The following SAMD4B variants were observed in gnomAD, a reference collection of about 807,000 sequenced individuals.
SAMD4B encodes protein Smaug homolog 2.
A neutral mutation model predicts 74.5 loss-of-function variants in SAMD4B; 5 were observed. That is an observed-to-expected ratio of 0.07 (90% CI 0.04 to 0.14). The LOEUF (loss-of-function observed/expected upper bound fraction) is 0.14. Ranked by LOEUF, SAMD4B falls within the 10% of genes least tolerant of loss-of-function variation. SAMD4B has a pLI of 1.00. For missense variants in SAMD4B, 608 were observed against 921.8 expected, an observed-to-expected ratio of 0.66 and a Z score of 4.41; for synonymous variants, 373 against 374.9, an observed-to-expected ratio of 1.00 and a Z score of 0.06.
intron 1 of SAMD4B, among the ~76,000 whole-genome samples, chr19:39,353,704 C>T (rs1436657923): frequency 1.3e-5 from 2 of 152,216 alleles, no homozygotes; most frequent in African/African-American, 2.4e-5. Flanking sequence ...CGGGTTCAAG[C>T]GTTTCTCCTG....
intron 1 of SAMD4B, among the ~76,000 whole-genome samples, chr19:39,347,996 G>A (rs1464433400): frequency 6.6e-6 from 1 of 152,166 alleles, no homozygotes; most frequent in Non-Finnish European, 1.5e-5. Context: ...TGAAAGAGAG[G>A]GTGGGAGTGG....
intron 12 of SAMD4B, 28 bp downstream of exon 12, chr19:39,381,141 C>T: frequency 6.4e-7 from 1 of 1,559,462 alleles, no homozygotes; most frequent in Non-Finnish European, 8.7e-7. Flanking sequence ...TGGGACTCTG[C>T]CTGGCCAACA....
intron 7 of SAMD4B, 129 bp downstream of exon 7, chr19:39,376,920 A>G (rs368804017): frequency 3.6e-4 from 244 of 685,782 alleles, no homozygotes; most frequent in Admixed American, 3.1e-3. Flanking sequence ...AGGGACCCAG[A>G]CTTCAGGGAC....
At chr19:39,386,780 G>T (rs144362327), downstream of SAMD4B, 5 of 1,613,852 alleles carry the variant, frequency 3.1e-6, no homozygotes, top group Non-Finnish European at 4.2e-6. The surrounding 1 kb of genome is among the most constrained non-coding windows in gnomAD (Gnocchi z 6.1). Flanking sequence ...GCCTTGGCCC[G>T]GCGCTTACTA....
rs1421522604 is a variant in SAMD4B, at chr19:39,383,485, C to T, written c.2057-14C>T. 1 of 1,613,912 alleles carries T rather than the reference C, an allele frequency of 6.2e-7. No individual in the cohort carries two copies. Among genetic ancestry groups the T allele is most frequent in the Admixed American group, 1.7e-5 (1 of 60,026 alleles). On this transcript the variant is annotated splice_polypyrimidine_tract_variant and intron_variant, in intron 13 of 13. Coordinates refer to ENST00000610417, the MANE Select transcript of SAMD4B (RefSeq NM_001384574.2). The surrounding 1 kb of genome is among the most constrained non-coding windows in gnomAD (Gnocchi z 4.1). ...GCTCCTGATCTTCCTCCCTTCCTCCCTTTCTTACCACAGATGGGACAGACA... is the reference window on the plus strand; with the variant it reads ...GCTCCTGATCTTCCTCCCTTCCTCCTTTTCTTACCACAGATGGGACAGACA...
chr19:39,344,068 A>G (rs1205501957), intron 1 of SAMD4B, among the ~76,000 whole-genome samples: 2 of 145,098 alleles, frequency 1.4e-5, no homozygotes, highest in African/African-American at 5.1e-5. Context: ...AATCCCTCCA[A>G]GACCTTCCTG....
At chr19:39,389,371 G>A (rs2074852), downstream of SAMD4B, 56,605 of 1,613,786 alleles carry the variant, frequency 0.035, 1,525 homozygotes, top group African/African-American at 0.13. The surrounding 1 kb of genome is among the most constrained non-coding windows in gnomAD (Gnocchi z 5.3). Context: ...CCACCTTCGC[G>A]TGCTGCTGGG....
At chr19:39,357,250 C>G (rs1303210030) in intron 3 of SAMD4B, among the ~76,000 whole-genome samples, 161 bp downstream of exon 3, 1 of 152,108 alleles carries the variant, frequency 6.6e-6, no homozygotes, top group Non-Finnish European at 1.5e-5. Context: ...CATGGGTCTT[C>G]TGGGACTGTG....
chr19:39,374,273 A>G (rs1028120429), intron 4 of SAMD4B, among the ~76,000 whole-genome samples: 1 of 152,122 alleles, frequency 6.6e-6, no homozygotes. Flanking sequence ...CAAAAAAAAA[A>G]ATCAAGTTGG....
intron 3 of SAMD4B, among the ~76,000 whole-genome samples, chr19:39,361,930 G>GA (rs1011546452): frequency 9.4e-5 from 14 of 148,916 alleles, no homozygotes; most frequent in African/African-American, 1.2e-4. Context: ...CCGTCTCAAA[G>GA]AAAAAAAAAA....
At chr19:39,374,685 A>G (rs1216750805) in intron 4 of SAMD4B, among the ~76,000 whole-genome samples, 1 of 151,840 alleles carries the variant, frequency 6.6e-6, no homozygotes, top group East Asian at 1.9e-4. Context: ...ACTAAAATAC[A>G]AAAAAATTAG....
At chr19:39,389,611 G>C (rs1568374967), downstream of SAMD4B, 2 of 1,614,196 alleles carry the variant, frequency 1.2e-6, no homozygotes, top group Non-Finnish European at 1.7e-6. The surrounding 1 kb of genome is among the most constrained non-coding windows in gnomAD (Gnocchi z 5.3). Flanking sequence ...TGCTGACCTA[G>C]AGCAGACCCT....
Position 39,356,780 on chromosome 19 carries a change from G to A in SAMD4B, c.-114G>A, listed in dbSNP as rs1485296803. On this transcript the variant is annotated 5_prime_UTR_variant, in exon 3 of 14. Coordinates refer to ENST00000610417, the MANE Select transcript of SAMD4B (RefSeq NM_001384574.2). ...AACCGTTGCCACCACGCCCAGAAAC[G>A]TCCTTAAGCCCTGGCCCTCAGGGGA... 1.4e-5 allele frequency: 12 copies of A among 867,768 alleles called. No individual in the cohort carries two copies. Among genetic ancestry groups the A allele is most frequent in the East Asian group, 5.6e-5 (2 of 35,764 alleles). 53.8% of individuals were successfully genotyped at this position (867,768 alleles called of 1,614,324 possible).
chr19:39,390,419 G>T (rs2078354666), downstream of SAMD4B: 7 of 841,888 alleles, frequency 8.3e-6, no homozygotes, highest in South Asian at 8.9e-5. Flanking sequence ...GTGGTGTGGG[G>T]AGTGTCCAAA....
intron 12 of SAMD4B, among the ~76,000 whole-genome samples, chr19:39,382,016 ACTC>A (rs1276235472): frequency 6.6e-6 from 1 of 152,066 alleles, no homozygotes; most frequent in East Asian, 1.9e-4. Flanking sequence ...TGAGGGGTTG[ACTC>A]CTCCACACGG....
At chr19:39,352,684 C>G (rs75372153) in intron 1 of SAMD4B, among the ~76,000 whole-genome samples, 1 of 151,086 alleles carries the variant, frequency 6.6e-6, no homozygotes, top group East Asian at 1.9e-4. Flanking sequence ...CTATTATGTC[C>G]GAAAGCTTTG....
At position 39,342,461 on chromosome 19, in the gene SAMD4B, C is replaced by G. The variant is rs1665796862; in HGVS notation, c.-382C>G. 1 of 179,772 alleles carries G rather than the reference C, an allele frequency of 5.6e-6. No individual in the cohort carries two copies. The highest frequency in any genetic ancestry group is 2.4e-5 in the African/African-American group (1 of 40,966). The allele number at this position is 179,772 out of a possible 1,614,324, so 11.1% of individuals were successfully genotyped here. A position where few individuals can be genotyped will look rare whatever the true frequency, so the allele number is the denominator to read the frequency against. On this transcript the variant is annotated 5_prime_UTR_variant, in exon 1 of 14. Transcript: ENST00000610417. Reference sequence around the variant, plus strand: ...AGCGCGACGGCGGCGGCGGCGGCGGCGGCGGTGGTCGGTGCGGGAGGAGGG... The same window carrying G: ...AGCGCGACGGCGGCGGCGGCGGCGGGGGCGGTGGTCGGTGCGGGAGGAGGG...
chr19:39,361,582 C>T (rs1443425910), intron 3 of SAMD4B, among the ~76,000 whole-genome samples: 2 of 147,398 alleles, frequency 1.4e-5, no homozygotes, highest in Admixed American at 6.9e-5. Flanking sequence ...CGCCACTGTA[C>T]TCCAGCCTGG....
rs544019792 is a variant in SAMD4B, at chr19:39,378,613, A to C, written c.1530+24A>C. The C allele has an allele frequency of 1.2e-4, 189 of 1,600,554 alleles. No individual in the cohort carries two copies. The highest frequency in any genetic ancestry group is 1.7e-4 in the Middle Eastern group (1 of 5,962). On this transcript the variant is annotated intron_variant, in intron 9 of 13. Coordinates refer to ENST00000610417, the MANE Select transcript of SAMD4B (RefSeq NM_001384574.2). The surrounding 1 kb of genome is among the most constrained non-coding windows in gnomAD (Gnocchi z 4.4). ...AGGTAAGGCCTTCCCTAGCATACTC[A>C]AAAAGGGAAAGGCGGCCAGGCGTGG...
Sources: allele counts gnomAD v4.1 joint callset (sites outside exome capture counted in the v4.1 genomes callset), GRCh38; gene constraint gnomAD v4.1.1; non-coding constraint Gnocchi (gnomAD v3.1); transcripts MANE v1.5; gene names NCBI Gene and HGNC (gene_info 2026-07-23, HGNC 2026-07-21).